Variants in ABLIM1 observed in about 807,000 individuals in gnomAD.
The protein encoded by ABLIM1 is actin binding LIM protein 1, also known as actin-binding LIM protein 1.
A neutral mutation model predicts 107.0 loss-of-function variants in ABLIM1; 40 were observed. The ratio of observed to expected loss-of-function variants is 0.37; its 90% CI spans 0.29 to 0.49. The LOEUF is 0.49. Ranked by LOEUF, ABLIM1 falls within the 20% of genes least tolerant of loss-of-function variation. ABLIM1 has a pLI of 0.97. For synonymous variants in ABLIM1, 357 were observed against 357.3 expected, an observed-to-expected ratio of 1.00 and a Z score of 0.01; for missense variants, 857 against 1,008.5, an observed-to-expected ratio of 0.85 and a Z score of 2.04.
intron 1 of ABLIM1, among the ~76,000 whole-genome samples, chr10:114,622,260 T>TC (rs1175259311): frequency 6.6e-6 from 1 of 151,292 alleles, no homozygotes; most frequent in East Asian, 1.9e-4. Context: ...TTTTTTTTTT[T>TC]TTTTGAGACA....
intron 2 of ABLIM1, among the ~76,000 whole-genome samples, chr10:114,577,326 T>G (rs2072723443): frequency 6.6e-6 from 1 of 152,198 alleles, no homozygotes; most frequent in South Asian, 2.1e-4. Flanking sequence ...ATGACTCAGT[T>G]ATTTTTCCAA....
At chr10:114,481,161 A>C (rs114472096) in intron 8 of ABLIM1, among the ~76,000 whole-genome samples, 2 of 152,008 alleles carry the variant, frequency 1.3e-5, no homozygotes, top group African/African-American at 4.8e-5. Flanking sequence ...AAAAACACTT[A>C]CCAGAGCTCT....
intron 1 of ABLIM1, among the ~76,000 whole-genome samples, chr10:114,763,518 C>T (rs2082803090): frequency 6.6e-6 from 1 of 151,864 alleles, no homozygotes; most frequent in Non-Finnish European, 1.5e-5. Context: ...CCCCGAGTAG[C>T]TGGGACTACA....
chr10:114,459,255 C>CAAAA (rs1016341580), intron 12 of ABLIM1, among the ~76,000 whole-genome samples: 1 of 146,394 alleles, frequency 6.8e-6, no homozygotes, highest in Non-Finnish European at 1.5e-5. Context: ...CAAAACAAAA[C>CAAAA]AAACAAACAA....
At chr10:114,617,808 T>A (rs995573544) in intron 1 of ABLIM1, among the ~76,000 whole-genome samples, 1 of 152,160 alleles carries the variant, frequency 6.6e-6, no homozygotes, top group African/African-American at 2.4e-5. Flanking sequence ...CCCATATTTA[T>A]TTATTTTTTA....
intron 4 of ABLIM1, among the ~76,000 whole-genome samples, chr10:114,569,306 CTCTTTT>C (rs1237915097): frequency 1.3e-5 from 2 of 151,830 alleles, no homozygotes; most frequent in African/African-American, 4.8e-5. Context: ...TCATAAAAGC[CTCTTTT>C]TCTTTTTCTT....
the ABLIM1 span, among the ~76,000 whole-genome samples, chr10:114,784,345 CAAAAAAA>C: frequency 1.0e-5 from 1 of 98,292 alleles, no homozygotes; most frequent in Non-Finnish European, 1.9e-5. Flanking sequence ...GACTCTGTCT[CAAAAAAA>C]GAAAGAAAGA....
the ABLIM1 span, among the ~76,000 whole-genome samples, chr10:114,790,590 C>A: frequency 2.6e-5 from 4 of 152,176 alleles, no homozygotes; most frequent in Non-Finnish European, 1.5e-5. Flanking sequence ...CAGCATTAAC[C>A]TAGGTGTGGA....
chr10:114,567,631 C>T (rs547714326), intron 4 of ABLIM1, among the ~76,000 whole-genome samples: 24 of 152,328 alleles, frequency 1.6e-4, no homozygotes, highest in African/African-American at 5.1e-4. Flanking sequence ...AAGGCTGCAT[C>T]TTTCCTCAAT....
chr10:114,452,889 C>G (rs2062114820), intron 13 of ABLIM1, among the ~76,000 whole-genome samples: 1 of 152,166 alleles, frequency 6.6e-6, no homozygotes, highest in Non-Finnish European at 1.5e-5. Flanking sequence ...TGCAGAAAGA[C>G]CAACCAATTC....
intron 6 of ABLIM1, among the ~76,000 whole-genome samples, chr10:114,505,436 C>T (rs1488489218): frequency 6.6e-6 from 1 of 152,196 alleles, no homozygotes; most frequent in Non-Finnish European, 1.5e-5. Context: ...TGCACAATAA[C>T]AGCAATCCAA....
chr10:114,582,088 C>T (rs192321524), intron 2 of ABLIM1, among the ~76,000 whole-genome samples: 62 of 152,116 alleles, frequency 4.1e-4, no homozygotes, highest in African/African-American at 1.5e-3. Flanking sequence ...CTCTCTTTGC[C>T]GATGATATGA....
intron 6 of ABLIM1, among the ~76,000 whole-genome samples, chr10:114,529,217 C>T (rs974434880): frequency 6.6e-6 from 1 of 151,736 alleles, no homozygotes; most frequent in Non-Finnish European, 1.5e-5. Context: ...CTCTGCCTCC[C>T]GGGTTCAAGC....
intron 1 of ABLIM1, among the ~76,000 whole-genome samples, chr10:114,721,362 G>A (rs2081842338): frequency 6.6e-6 from 1 of 152,176 alleles, no homozygotes; most frequent in Non-Finnish European, 1.5e-5. Flanking sequence ...GGACCCCATT[G>A]AGCATGTATG....
At chr10:114,631,780 G>C in intron 1 of ABLIM1, 1 of 1,042,126 alleles carries the variant, frequency 9.6e-7, no homozygotes, top group African/African-American at 1.7e-5. Context: ...ACAATACGGA[G>C]CTTCTCACAC....
intron 1 of ABLIM1, among the ~76,000 whole-genome samples, chr10:114,767,384 T>C (rs1009010442): frequency 1.3e-5 from 2 of 152,222 alleles, no homozygotes; most frequent in African/African-American, 4.8e-5. Context: ...ATCTCTTTAA[T>C]ATTTCACTCA....
intron 2 of ABLIM1, among the ~76,000 whole-genome samples, chr10:114,589,634 C>T (rs1360143881): frequency 6.6e-6 from 1 of 152,082 alleles, no homozygotes; most frequent in Admixed American, 6.5e-5. Flanking sequence ...CCTTGAGCTA[C>T]TGGGCTCACT....
chr10:114,756,441 A>C (rs2082632089), intron 1 of ABLIM1, among the ~76,000 whole-genome samples: 1 of 152,110 alleles, frequency 6.6e-6, no homozygotes, highest in Non-Finnish European at 1.5e-5. Context: ...TGTCCCTAAA[A>C]CAGACCTTGT....
chr10:114,543,156 T>C (rs2066905206), intron 6 of ABLIM1, among the ~76,000 whole-genome samples: 1 of 152,154 alleles, frequency 6.6e-6, no homozygotes, highest in Non-Finnish European at 1.5e-5. Context: ...AAAAAACATC[T>C]GAGCTGAAAT....
Sources: allele counts gnomAD v4.1 joint callset (sites outside exome capture counted in the v4.1 genomes callset), GRCh38; gene constraint gnomAD v4.1.1; transcripts MANE v1.5; gene names NCBI Gene and HGNC (gene_info 2026-07-23, HGNC 2026-07-21).